The following GUCY2F variants were observed in gnomAD, a reference collection of about 807,000 sequenced individuals.
The protein encoded by GUCY2F is guanylate cyclase 2F, retinal.
GUCY2F carries 61 observed loss-of-function variants against 73.1 expected under a neutral mutation model. That is an observed-to-expected ratio of 0.83 (90% CI 0.68 to 1.03). The LOEUF (loss-of-function observed/expected upper bound fraction) is 1.03, where lower values mean the gene tolerates loss of function less well. Among genes scored for constraint, GUCY2F ranks in the 50% least tolerant of loss-of-function variants. The pLI, the probability that GUCY2F is intolerant of heterozygous loss-of-function variation, is 0.00. For synonymous variants in GUCY2F, 331 were observed against 307.8 expected (o/e 1.08, Z -0.79); for missense variants, 912 against 854.3 (o/e 1.07, Z -0.84).
chrX:109,425,028 A>G (rs916784454), intron 8 of GUCY2F, among the ~76,000 whole-genome samples: 1 of 111,376 alleles, frequency 9.0e-6, no homozygotes, highest in Non-Finnish European at 1.9e-5. Flanking sequence ...CGGGCTCCCA[A>G]AGTGCTGGGA....
At position 109,376,183 on chromosome X, in the gene GUCY2F, A is replaced by G. The variant is rs762085847; in HGVS notation, c.3151-16T>C. 9.1e-7 allele frequency: 1 copy of G among 1,101,013 alleles called. No homozygotes were observed. Among genetic ancestry groups the G allele is most frequent in the Non-Finnish European group, 1.3e-6 (1 of 799,581 alleles). 90.7% of individuals were successfully genotyped at this position (1,101,013 alleles called of 1,213,427 possible). On this transcript the variant is annotated splice_polypyrimidine_tract_variant and intron_variant, in intron 17 of 19. Coordinates refer to ENST00000218006, the MANE Select transcript of GUCY2F (RefSeq NM_001522.3). ...TGCCTTTGCCCTTATTATAGAAAAC[A>G]TAAAAAATCTTAAGCCTGCTATAAT...
chrX:109,458,769 G>A (rs190817226), intron 3 of GUCY2F, among the ~76,000 whole-genome samples: 33 of 111,268 alleles, frequency 3.0e-4, no homozygotes, highest in Admixed American at 9.6e-4. Context: ...TAATTGAGGG[G>A]TTATCAGGTG....
chrX:109,436,496 T>C (rs1931748800), intron 7 of GUCY2F, among the ~76,000 whole-genome samples: 1 of 111,482 alleles, frequency 9.0e-6, no homozygotes, highest in Non-Finnish European at 1.9e-5. Flanking sequence ...GTATGTTTAT[T>C]GCGGCACTAT....
intron 16 of GUCY2F, among the ~76,000 whole-genome samples, chrX:109,383,190 A>G (rs186347706): frequency 2.7e-4 from 30 of 111,578 alleles, no homozygotes; most frequent in African/African-American, 9.1e-4. Context: ...TGATCATCCA[A>G]AGCCCTTACT....
chrX:109,381,895 G>GA (rs1303673485), intron 17 of GUCY2F, among the ~76,000 whole-genome samples: 6 of 112,465 alleles, frequency 5.3e-5, no homozygotes, highest in Non-Finnish European at 9.4e-5. Flanking sequence ...GAAAAATGCA[G>GA]AAAAAATCTC....
chrX:109,457,797 T>C (rs1932289132), intron 3 of GUCY2F, among the ~76,000 whole-genome samples: 3 of 111,684 alleles, frequency 2.7e-5, no homozygotes, highest in African/African-American at 9.8e-5. Flanking sequence ...CCAAGCTTTC[T>C]AAGAAATCCT....
At chrX:109,470,207 A>G (rs1243619903) in intron 2 of GUCY2F, among the ~76,000 whole-genome samples, 1 of 112,065 alleles carries the variant, frequency 8.9e-6, no homozygotes, top group East Asian at 2.8e-4. Flanking sequence ...CTAAACTGCT[A>G]TGTACATAAG....
chrX:109,417,013 C>T (rs1931261657), intron 8 of GUCY2F, among the ~76,000 whole-genome samples: 1 of 107,976 alleles, frequency 9.3e-6, no homozygotes, highest in African/African-American at 3.4e-5. Flanking sequence ...AATTCTGTAC[C>T]AAGCAAAAAT....
chrX:109,436,238 T>C (rs1931742398), intron 7 of GUCY2F, among the ~76,000 whole-genome samples: 1 of 111,728 alleles, frequency 9.0e-6, no homozygotes, highest in African/African-American at 3.3e-5. Flanking sequence ...CAATGAGATA[T>C]CATCTCACAC....
At chrX:109,457,876 T>C (rs1377176940) in intron 3 of GUCY2F, among the ~76,000 whole-genome samples, 1 of 112,291 alleles carries the variant, frequency 8.9e-6, no homozygotes, top group African/African-American at 3.2e-5. Flanking sequence ...GTTCCAGCCA[T>C]ATACATTTGT....
intron 12 of GUCY2F, among the ~76,000 whole-genome samples, chrX:109,393,861 G>A (rs969848403): frequency 8.9e-6 from 1 of 112,214 alleles, no homozygotes; most frequent in Non-Finnish European, 1.9e-5. Context: ...AAAATCGGAG[G>A]TGGTTTTGCT....
chrX:109,435,978 C>A (rs1931736099), intron 7 of GUCY2F, among the ~76,000 whole-genome samples: 1 of 111,081 alleles, frequency 9.0e-6, no homozygotes, highest in Admixed American at 9.6e-5. Context: ...GGGATGAAAC[C>A]CACTTGATCA....
intron 17 of GUCY2F, 150 bp downstream of exon 17, chrX:109,381,968 C>T (rs1200745209): frequency 5.1e-6 from 2 of 390,278 alleles, no homozygotes; most frequent in Non-Finnish European, 9.1e-6. Context: ...ATGGAGCAAT[C>T]TTTTGGGAAC....
intron 9 of GUCY2F, among the ~76,000 whole-genome samples, chrX:109,407,876 C>T (rs1263239939): frequency 1.8e-5 from 2 of 112,834 alleles, no homozygotes; most frequent in Non-Finnish European, 3.7e-5. Flanking sequence ...GATGCCCAGG[C>T]AAAAGTTTGC....
intron 15 of GUCY2F, among the ~76,000 whole-genome samples, chrX:109,386,304 G>A (rs1430795678): frequency 8.9e-6 from 1 of 111,798 alleles, no homozygotes; most frequent in Non-Finnish European, 1.9e-5. Flanking sequence ...ATGGGAGGAG[G>A]TGCTTATTAG....
At chrX:109,396,084 A>T (rs1930701105) in intron 11 of GUCY2F, among the ~76,000 whole-genome samples, 1 of 112,144 alleles carries the variant, frequency 8.9e-6, no homozygotes, top group Non-Finnish European at 1.9e-5. Context: ...CAAGTGAGGT[A>T]GGCACTCTTA....
Position 109,404,385 on chromosome X carries a change from C to T in GUCY2F, c.2068G>A (p.Gly690Ser), listed in dbSNP as rs371891793. The T allele has an allele frequency of 1.2e-5, 14 of 1,191,386 alleles. No individual in the cohort carries two copies. In the East Asian group the frequency reaches 1.5e-4, roughly 13 times the overall value. The change falls in exon 10 of 20, where the codon GGC becomes AGC. Residue 690 changes from glycine (G) to serine (S), a missense_variant. By Grantham distance (56) the Gly-to-Ser change is moderately conservative. Transcript: ENST00000218006. ...AGCATTTCTAAGATGTCGTTAAAGC[C>T]ATAATCTGTCACTTTTAGTACAAAA... ...GRFVLKVTDY[G>S]FNDILEMLRL...
At chrX:109,461,321 T>G (rs182283959) in intron 3 of GUCY2F, among the ~76,000 whole-genome samples, 1 of 112,479 alleles carries the variant, frequency 8.9e-6, no homozygotes, top group Non-Finnish European at 1.9e-5. Flanking sequence ...TGCTTTGTTA[T>G]TGATATAAAC....
At chrX:109,464,197 T>A (rs1050014197) in intron 3 of GUCY2F, among the ~76,000 whole-genome samples, 1 of 111,376 alleles carries the variant, frequency 9.0e-6, no homozygotes, top group Non-Finnish European at 1.9e-5. Flanking sequence ...TGTCTCCCCA[T>A]CTTCCTCTCA....
Sources: allele counts gnomAD v4.1 joint callset (sites outside exome capture counted in the v4.1 genomes callset), GRCh38; gene constraint gnomAD v4.1.1; transcripts MANE v1.5; gene names NCBI Gene and HGNC (gene_info 2026-07-23, HGNC 2026-07-21).